CLPB: variants seen among roughly 807,000 people sequenced by gnomAD.
CLPB encodes the protein mitochondrial disaggregase.
CLPB carries 40 observed loss-of-function variants against 78.4 expected under a neutral mutation model. The ratio of observed to expected loss-of-function variants is 0.51; its 90% confidence interval spans 0.40 to 0.66. CLPB has a LOEUF of 0.66. Ranked by LOEUF, CLPB falls within the 30% of genes least tolerant of loss-of-function variation. The pLI is 0.00. For missense variants in CLPB, 780 were observed against 886.9 expected (o/e 0.88, Z 1.53); for synonymous variants, 333 against 348.0 (o/e 0.96, Z 0.48).
rs111657093 is a variant in CLPB, at chr11:72,345,884, T to C, written c.775+12996A>G. Among the ~76,000 whole-genome samples, 940 of 152,310 alleles carry C rather than the reference T, an allele frequency of 6.2e-3. 4 individuals carry two copies. Among genetic ancestry groups the C allele is most frequent in the Middle Eastern group, 0.02 (6 of 294 alleles). On this transcript the variant is annotated intron_variant, in intron 5 of 15. Coordinates refer to ENST00000538039, the MANE Select transcript of CLPB (RefSeq NM_001258392.3). ...ACTGCAAACAAATCCTGACCTGAAC[T>C]TTTAAGGAGATTTGTTTTCTACAGT...
At chr11:72,418,784 G>A (rs1244997654) in intron 2 of CLPB, among the ~76,000 whole-genome samples, 1 of 150,034 alleles carries the variant, frequency 6.7e-6, no homozygotes, top group East Asian at 2.0e-4. Flanking sequence ...GAACCCAGGA[G>A]TCAGAGGTTG....
Position 72,293,352 on chromosome 11 carries a change from G to A in CLPB, c.*15C>T. On this transcript the variant is annotated 3_prime_UTR_variant, in exon 16 of 16. Transcript: ENST00000538039. ...TATTGGATGGTGAGGGCACATAGGA[G>A]CAGGCAGGTGGCTGCTAGATGGTGT... 6.2e-7 allele frequency: 1 copy of A among 1,610,868 alleles called. No individual in the cohort carries two copies.
chr11:72,340,079 G>A (rs535950924), intron 5 of CLPB, among the ~76,000 whole-genome samples: 1 of 152,222 alleles, frequency 6.6e-6, no homozygotes, highest in South Asian at 2.1e-4. Context: ...TAGCCAGCAG[G>A]GCTACCCAAG....
At chr11:72,377,801 C>G (rs899826327) in intron 4 of CLPB, among the ~76,000 whole-genome samples, 3 of 152,160 alleles carry the variant, frequency 2.0e-5, no homozygotes, top group Non-Finnish European at 4.4e-5. Context: ...CAAACTACAG[C>G]CTCTGGGCCA....
At chr11:72,399,924 T>C (rs1429734612) in intron 3 of CLPB, among the ~76,000 whole-genome samples, 1 of 152,238 alleles carries the variant, frequency 6.6e-6, no homozygotes, top group Non-Finnish European at 1.5e-5. Flanking sequence ...GGTATGGATA[T>C]GCTAATCCTC....
intron 2 of CLPB, chr11:72,408,282 G>T: frequency 2.0e-6 from 2 of 996,568 alleles, no homozygotes; most frequent in Non-Finnish European, 3.0e-6. Context: ...TCACTTACTA[G>T]CTGTGAAATG....
intron 1 of CLPB, 98 bp from the exon 2 acceptor site, chr11:72,430,461 A>C: frequency 9.7e-7 from 1 of 1,029,392 alleles, no homozygotes; most frequent in Non-Finnish European, 1.4e-6. Flanking sequence ...TACTTTAGAA[A>C]CGTGGACTTT....
intron 2 of CLPB, among the ~76,000 whole-genome samples, chr11:72,410,091 A>T (rs1855832633): frequency 6.6e-6 from 1 of 152,182 alleles, no homozygotes. Flanking sequence ...TTAGCCTGGC[A>T]TGGTGGCCAG....
intron 2 of CLPB, among the ~76,000 whole-genome samples, chr11:72,414,390 A>C (rs1314114701): frequency 6.6e-6 from 1 of 152,246 alleles, no homozygotes; most frequent in African/African-American, 2.4e-5. Flanking sequence ...GCTGCCAGGA[A>C]ACCTGTCACA....
intron 6 of CLPB, among the ~76,000 whole-genome samples, chr11:72,326,659 G>A (rs927819342): frequency 1.3e-5 from 2 of 152,102 alleles, no homozygotes; most frequent in Non-Finnish European, 2.9e-5. Context: ...TAGACAAAGA[G>A]CCAGGAGATG....
intron 7 of CLPB, among the ~76,000 whole-genome samples, chr11:72,309,693 CA>C (rs1454780216): frequency 5.3e-5 from 8 of 151,994 alleles, no homozygotes; most frequent in Non-Finnish European, 1.2e-4. Context: ...TATGGCTGCT[CA>C]AAAAAGTATG....
intron 10 of CLPB, 80 bp downstream of exon 10, chr11:72,302,224 A>T: frequency 1.4e-6 from 2 of 1,416,128 alleles, no homozygotes; most frequent in Non-Finnish European, 2.0e-6. Context: ...GAATTATCTG[A>T]GGCCCAAATG....
At chr11:72,378,671 G>C (rs1854798672) in intron 4 of CLPB, among the ~76,000 whole-genome samples, 1 of 152,220 alleles carries the variant, frequency 6.6e-6, no homozygotes, top group South Asian at 2.1e-4. Flanking sequence ...TGCTGTGCCT[G>C]AATGAGAAGA....
chr11:72,374,850 T>C (rs76625830), intron 4 of CLPB, among the ~76,000 whole-genome samples: 6,429 of 152,244 alleles, frequency 0.042, 172 homozygotes, highest in East Asian at 0.068. Context: ...CCCCTCACTT[T>C]AAATCCTTTC....
intron 4 of CLPB, among the ~76,000 whole-genome samples, chr11:72,372,202 C>T (rs1014874296): frequency 1.3e-5 from 2 of 152,172 alleles, no homozygotes; most frequent in African/African-American, 4.8e-5. Flanking sequence ...TAATGGTTTG[C>T]TACCAGAGGA....
At chr11:72,425,011 G>C (rs1856329934) in intron 2 of CLPB, among the ~76,000 whole-genome samples, 1 of 152,236 alleles carries the variant, frequency 6.6e-6, no homozygotes, top group Admixed American at 6.5e-5. Flanking sequence ...AAGAGGCGCA[G>C]GTTGCAGTGA....
chr11:72,337,121 C>A (rs144458824), intron 5 of CLPB: 15 of 398,652 alleles, frequency 3.8e-5, no homozygotes, highest in Non-Finnish European at 4.9e-5. Flanking sequence ...TCTACTTTCC[C>A]AGAGGCTGAA....
intron 7 of CLPB, among the ~76,000 whole-genome samples, chr11:72,311,634 C>T (rs1949849379): frequency 6.6e-6 from 1 of 152,194 alleles, no homozygotes; most frequent in South Asian, 2.1e-4. Flanking sequence ...GCCACAGCAC[C>T]TCCTCACACC....
chr11:72,297,702 T>A (rs10793026), intron 11 of CLPB, among the ~76,000 whole-genome samples: 28,368 of 129,494 alleles, frequency 0.22, 3,450 homozygotes, highest in Admixed American at 0.32. Context: ...TGTGTGTGTG[T>A]GACATGTCCA....
Sources: gnomAD v4.1 joint callset for allele counts (sites outside exome capture counted in the v4.1 genomes callset) on GRCh38, gnomAD v4.1.1 for gene constraint, MANE v1.5 for transcripts, NCBI Gene and HGNC (gene_info 2026-07-23, HGNC 2026-07-21) for gene names.